NBEAL1: variants seen among roughly 807,000 people sequenced by gnomAD.
NBEAL1 encodes the protein neurobeachin like 1.
Under a neutral mutation model 351.3 loss-of-function variants are expected in NBEAL1, and 273 were observed. The observed-to-expected ratio is 0.78, with a 90% CI of 0.70 to 0.86. NBEAL1 has a LOEUF of 0.86. Among genes scored for constraint, NBEAL1 ranks in the 40% least tolerant of loss-of-function variants. The probability of loss-of-function intolerance (pLI) is 0.00; values close to 1 mark genes in which losing one functional copy is unlikely to be tolerated. For synonymous variants in NBEAL1, 1,050 were observed against 1,086.4 expected, an observed-to-expected ratio of 0.97 and a Z score of 0.66; for missense variants, 2,961 against 3,201.3, an observed-to-expected ratio of 0.92 and a Z score of 1.81.
chr2:203,184,233 C>T (rs958572624), intron 44 of NBEAL1, among the ~76,000 whole-genome samples: 1 of 151,836 alleles, frequency 6.6e-6, no homozygotes, highest in Non-Finnish European at 1.5e-5. Context: ...GAATTTGCAA[C>T]CAGCCTGGCC....
chr2:203,157,644 G>A (rs2063831367), intron 35 of NBEAL1, 55 bp from the exon 36 acceptor site: 1 of 1,339,756 alleles, frequency 7.5e-7, no homozygotes, highest in Non-Finnish European at 1.0e-6. Context: ...ATTACAGAAA[G>A]GCTATAATAT....
chr2:203,206,901 C>G (rs1052419103), intron 51 of NBEAL1, among the ~76,000 whole-genome samples: 9 of 151,210 alleles, frequency 6.0e-5, no homozygotes, highest in African/African-American at 1.9e-4. Flanking sequence ...TGTGAGGAGC[C>G]CTTCTGCCTG....
chr2:203,221,398 T>C lies in NBEAL1; in HGVS notation c.*4044T>C, dbSNP rs574224897. On this transcript the variant is annotated 3_prime_UTR_variant, in exon 56 of 56. Coordinates refer to ENST00000683969, the MANE Select transcript of NBEAL1 (RefSeq NM_001378026.1). ...ATATTATTAAATAATATATGTAATA[T>C]GGGTGTCTGTTGGGGTTATGTGTGT... Among the ~76,000 whole-genome samples, 12 of 151,574 alleles carry C rather than the reference T, an allele frequency of 7.9e-5. No individual in the cohort carries two copies. The East Asian group carries it at 2.1e-3, about 27-fold the overall frequency.
intron 8 of NBEAL1, among the ~76,000 whole-genome samples, chr2:203,082,352 G>T (rs1378290386): frequency 6.6e-6 from 1 of 152,140 alleles, no homozygotes; most frequent in Admixed American, 6.5e-5. Context: ...GCCATTAGCA[G>T]TTTCTTCCAT....
Position 203,081,361 on chromosome 2 carries a change from A to C in NBEAL1, c.685-1858A>C, listed in dbSNP as rs899616917. Among the ~76,000 whole-genome samples, 4 of 152,324 alleles carry C rather than the reference A, an allele frequency of 2.6e-5. No individual in the cohort carries two copies. In the East Asian group the frequency reaches 5.8e-4, roughly 22 times the overall value. On this transcript the variant is annotated intron_variant, in intron 8 of 55. Coordinates refer to ENST00000683969, the MANE Select transcript of NBEAL1 (RefSeq NM_001378026.1). Reference sequence around the variant, plus strand: ...TTTGAGTGTTCATCTCTAACTAGTTATGTGACTTTGGATATACTATTTACA... The same window carrying C: ...TTTGAGTGTTCATCTCTAACTAGTTCTGTGACTTTGGATATACTATTTACA...
intron 54 of NBEAL1, among the ~76,000 whole-genome samples, chr2:203,211,383 G>C (rs1314511509): frequency 6.6e-6 from 1 of 152,140 alleles, no homozygotes; most frequent in African/African-American, 2.4e-5. Context: ...ACTCCTGCCT[G>C]TAATCCCAGC....
At chr2:203,090,589 T>G (rs921844003) in intron 10 of NBEAL1, among the ~76,000 whole-genome samples, 1 of 152,274 alleles carries the variant, frequency 6.6e-6, no homozygotes, top group African/African-American at 2.4e-5. Flanking sequence ...TTTAAAGTCT[T>G]TTTAAAAATA....
intron 18 of NBEAL1, among the ~76,000 whole-genome samples, chr2:203,119,924 C>T (rs571722502): frequency 6.6e-6 from 1 of 152,122 alleles, no homozygotes; most frequent in Admixed American, 6.6e-5. Context: ...AAATAGTCAA[C>T]AGTTTTTTTT....
At chr2:203,160,074 G>A (rs1026086455) in intron 36 of NBEAL1, among the ~76,000 whole-genome samples, 1 of 137,578 alleles carries the variant, frequency 7.3e-6, no homozygotes, top group African/African-American at 2.6e-5. Flanking sequence ...CTTGCCCCCC[G>A]CTATTTTTTT....
chr2:203,156,226 A>C (rs1264146285), intron 35 of NBEAL1, among the ~76,000 whole-genome samples: 1 of 152,164 alleles, frequency 6.6e-6, no homozygotes, highest in Non-Finnish European at 1.5e-5. Context: ...CTCTTTAGGT[A>C]CTGTGTCTGG....
At chr2:203,209,713 A>G (rs561862190) in intron 53 of NBEAL1, among the ~76,000 whole-genome samples, 1,635 of 138,686 alleles carry the variant, frequency 0.012, 12 homozygotes, top group Middle Eastern at 0.052. Flanking sequence ...TTTAATTAAT[A>G]TGTGTGTGTG....
chr2:203,015,382 A>G (rs1040555642), intron 1 of NBEAL1, among the ~76,000 whole-genome samples: 1 of 152,074 alleles, frequency 6.6e-6, no homozygotes, highest in Non-Finnish European at 1.5e-5. Flanking sequence ...CTCTCCGAGG[A>G]TTGTTAGAAC....
At chr2:203,084,427 AT>A in intron 9 of NBEAL1, 35 bp from the exon 10 acceptor site, 1 of 1,196,192 alleles carries the variant, frequency 8.4e-7, no homozygotes, top group Non-Finnish European at 1.1e-6. Context: ...CCAAATTTTC[AT>A]TTTTACATGG....
rs571425473 is a variant in NBEAL1, at chr2:203,190,875, C to T, written c.6921+486C>T. The T allele has an allele frequency of 4.0e-4, 646 of 1,611,134 alleles. No individual in the cohort carries two copies. The African/African-American group carries it at 6.3e-3, about 16-fold the overall frequency. On this transcript the variant is annotated intron_variant, in intron 46 of 55. Coordinates refer to ENST00000683969, the MANE Select transcript of NBEAL1 (RefSeq NM_001378026.1). Reference sequence around the variant, plus strand: ...CCACTTCTGCCCTGGCCCCCAAGATCGGCCCCCTGGGTCTGTCTCCAAAAA... The same window carrying T: ...CCACTTCTGCCCTGGCCCCCAAGATTGGCCCCCTGGGTCTGTCTCCAAAAA...
chr2:203,085,314 T>G (rs1055039739), intron 10 of NBEAL1: 5 of 152,286 alleles, frequency 3.3e-5, no homozygotes, highest in African/African-American at 9.6e-5. Context: ...GGTCTCCATC[T>G]CTTGACCTTG....
At chr2:203,114,787 C>G (rs1559376138) in intron 17 of NBEAL1, among the ~76,000 whole-genome samples, 1 of 151,782 alleles carries the variant, frequency 6.6e-6, no homozygotes, top group Non-Finnish European at 1.5e-5. Context: ...GAGCCTTGCT[C>G]TGTTGCCCAG....
At chr2:203,175,963 T>G (rs1291460386) in intron 42 of NBEAL1, among the ~76,000 whole-genome samples, 1 of 152,174 alleles carries the variant, frequency 6.6e-6, no homozygotes, top group East Asian at 1.9e-4. Flanking sequence ...CCTGGGTTCC[T>G]TATTTCTGTT....
At chr2:203,078,144 C>G (rs1270462816) in intron 8 of NBEAL1, among the ~76,000 whole-genome samples, 2 of 152,132 alleles carry the variant, frequency 1.3e-5, no homozygotes, top group Non-Finnish European at 2.9e-5. Flanking sequence ...CATCAGTCCA[C>G]TTGATGAAAT....
chr2:203,150,255 G>C (rs1392741830), intron 34 of NBEAL1, among the ~76,000 whole-genome samples: 4 of 152,044 alleles, frequency 2.6e-5, no homozygotes, highest in Non-Finnish European at 4.4e-5. Flanking sequence ...GACCCTCCTA[G>C]TGAGAGTAAA....
Sources: gnomAD v4.1 joint callset for allele counts (sites outside exome capture counted in the v4.1 genomes callset) on GRCh38, gnomAD v4.1.1 for gene constraint, MANE v1.5 for transcripts, NCBI Gene and HGNC (gene_info 2026-07-23, HGNC 2026-07-21) for gene names.